CFAP44: variants seen among roughly 807,000 people sequenced by gnomAD.
The protein encoded by CFAP44 is cilia and flagella associated protein 44, also known as cilia- and flagella-associated protein 44.
A neutral mutation model predicts 216.2 loss-of-function variants in CFAP44; 134 were observed. The observed-to-expected ratio is 0.62, with a 90% CI of 0.54 to 0.72. The LOEUF is 0.72. Ranked by LOEUF, CFAP44 falls within the 30% of genes least tolerant of loss-of-function variation. CFAP44 has a pLI of 0.00. For missense variants in CFAP44, 2,035 were observed against 2,182.1 expected (o/e 0.93, Z 1.34); for synonymous variants, 700 against 727.6 (o/e 0.96, Z 0.61).
chr3:113,407,467 T>C (rs1035929602), intron 7 of CFAP44, among the ~76,000 whole-genome samples: 2 of 152,230 alleles, frequency 1.3e-5, no homozygotes, highest in African/African-American at 2.4e-5. Flanking sequence ...ATTCCCAGTC[T>C]GTCAGAAAGT....
At chr3:113,320,892 T>C (rs1439341607) in intron 28 of CFAP44, among the ~76,000 whole-genome samples, 1 of 152,152 alleles carries the variant, frequency 6.6e-6, no homozygotes, top group Admixed American at 6.5e-5. Context: ...CCCAGCCCAC[T>C]GACTCAAAAG....
intron 22 of CFAP44, among the ~76,000 whole-genome samples, chr3:113,358,512 T>G (rs867290787): frequency 3.5e-4 from 54 of 152,296 alleles, no homozygotes; most frequent in African/African-American, 1.3e-3. Context: ...ATATGTATTA[T>G]ATAATTTTTA....
At chr3:113,355,623 A>C (rs1447338563) in intron 22 of CFAP44, among the ~76,000 whole-genome samples, 3 of 152,204 alleles carry the variant, frequency 2.0e-5, no homozygotes, top group African/African-American at 7.2e-5. Context: ...AAGGACAGAA[A>C]ACCAAACACC....
chr3:113,409,355 G>A, intron 6 of CFAP44, 33 bp from the exon 7 acceptor site: 2 of 1,562,942 alleles, frequency 1.3e-6, no homozygotes, highest in South Asian at 2.2e-5. Context: ...AATAAATAAG[G>A]ACACATTTAT....
At chr3:113,375,916 GA>G (rs768107892) in intron 17 of CFAP44, among the ~76,000 whole-genome samples, 2 of 151,298 alleles carry the variant, frequency 1.3e-5, no homozygotes, top group African/African-American at 4.9e-5. Context: ...GAAAACTGTG[GA>G]AAAAATTACC....
chr3:113,362,066 T>A (rs1950546592), intron 21 of CFAP44, among the ~76,000 whole-genome samples: 1 of 151,700 alleles, frequency 6.6e-6, no homozygotes, highest in Non-Finnish European at 1.5e-5. Context: ...TCACTAGGCA[T>A]AGCTTCACAG....
rs563280171 is a variant in CFAP44, at chr3:113,323,613, G to A, written c.4516+2832C>T. ...AGCTGAATTTTTTTTTAGAAAAAAA[G>A]AATGCAACAGGTGATATTACTACAG... On this transcript the variant is annotated intron_variant, in intron 28 of 34. Coordinates refer to ENST00000393845, the MANE Select transcript of CFAP44 (RefSeq NM_001164496.2). Among the ~76,000 whole-genome samples the A allele has an allele frequency of 1.1e-4, 16 of 152,160 alleles. 1 individual carries two copies. The South Asian group carries it at 3.1e-3, about 30-fold the overall frequency.
intron 15 of CFAP44, among the ~76,000 whole-genome samples, chr3:113,382,441 T>C (rs1011464508): frequency 2.6e-5 from 4 of 152,044 alleles, no homozygotes; most frequent in Admixed American, 6.6e-5. Context: ...GAGTGATAGA[T>C]AAGGAAATGG....
chr3:113,302,023 G>A (rs368405158), intron 32 of CFAP44, among the ~76,000 whole-genome samples: 2 of 151,968 alleles, frequency 1.3e-5, no homozygotes, highest in Admixed American at 6.6e-5. Flanking sequence ...GATGTCATGT[G>A]GTATTTTCTT....
intron 33 of CFAP44, among the ~76,000 whole-genome samples, chr3:113,296,050 C>T (rs1949876785): frequency 6.6e-6 from 1 of 152,186 alleles, no homozygotes; most frequent in Non-Finnish European, 1.5e-5. Context: ...CCCTCACCCC[C>T]ACCATCCTCC....
chr3:113,366,580 A>C (rs1332095226), intron 18 of CFAP44, among the ~76,000 whole-genome samples: 1 of 152,128 alleles, frequency 6.6e-6, no homozygotes, highest in African/African-American at 2.4e-5. Context: ...AGAAGATATC[A>C]AAGGGGGTCA....
Position 113,416,623 on chromosome 3 carries a change from T to A in CFAP44, c.575A>T (p.His192Leu). Residue 192 changes from histidine to leucine, a missense_variant, in exon 6 of 35, where the codon CAT becomes CTT. By Grantham distance (99) the His-to-Leu change is moderately conservative. Around this residue, in one of 3 missense-constraint regions of CFAP44, gnomAD observed 1,883 missense variants for 2,023.7 expected, o/e 0.93. Transcript: ENST00000393845. ...SGEGIGVIGV[H>L]PHKTYFTVAE... ...TACTGTGAAATAAGTTTTATGTGGATGAACCTACAAAAGATAAAATTTCAC... is the reference window on the plus strand; with the variant it reads ...TACTGTGAAATAAGTTTTATGTGGAAGAACCTACAAAAGATAAAATTTCAC... 6.2e-7 allele frequency: 1 copy of A among 1,601,062 alleles called. No homozygotes were observed. The highest frequency in any genetic ancestry group is 1.3e-5 in the African/African-American group (1 of 74,252).
intron 9 of CFAP44, among the ~76,000 whole-genome samples, chr3:113,402,824 T>C (rs1934179227): frequency 6.6e-6 from 1 of 152,144 alleles, no homozygotes; most frequent in African/African-American, 2.4e-5. Context: ...TCTCCTGAGG[T>C]TTTCTCCCAC....
In CFAP44 at chr3:113,302,457, T is replaced by TAAAAAAA. The variant is rs60866565; in HGVS notation, c.5077+1452_5077+1458dup. Among the ~76,000 whole-genome samples the TAAAAAAA allele has an allele frequency of 3.1e-3, 233 of 75,758 alleles. 10 individuals carry two copies. Among genetic ancestry groups the TAAAAAAA allele is most frequent in the African/African-American group, 9.6e-3 (223 of 23,196 alleles). 49.7% of individuals were successfully genotyped at this position (75,758 alleles called of 152,430 possible). A position where few individuals can be genotyped will look rare whatever the true frequency, so the allele number is the denominator to read the frequency against. On this transcript the variant is annotated intron_variant, in intron 32 of 34. Coordinates refer to ENST00000393845, the MANE Select transcript of CFAP44 (RefSeq NM_001164496.2). ...GTATCCAAAGATACACTAGACAAAG[T>TAAAAAAA]AAAAAAAAAAAAAAAAAAAAAAAGA...
At chr3:113,298,641 A>G (rs1949904618) in intron 32 of CFAP44, among the ~76,000 whole-genome samples, 1 of 152,258 alleles carries the variant, frequency 6.6e-6, no homozygotes, top group South Asian at 2.1e-4. Context: ...CATATAATGG[A>G]ATATTATTTG....
intron 11 of CFAP44, 29 bp from the exon 12 acceptor site, chr3:113,400,673 C>G (rs368946246): frequency 6.4e-7 from 1 of 1,572,892 alleles, no homozygotes; most frequent in Non-Finnish European, 8.7e-7. Flanking sequence ...CTTACTAGAT[C>G]TCAAAGACAG....
chr3:113,407,962 G>A (rs1281260408), intron 7 of CFAP44, among the ~76,000 whole-genome samples: 1 of 152,048 alleles, frequency 6.6e-6, no homozygotes, highest in African/African-American at 2.4e-5. Flanking sequence ...ATGGGGCATA[G>A]AAAATACAGA....
intron 2 of CFAP44, among the ~76,000 whole-genome samples, chr3:113,430,926 C>G (rs1377035513): frequency 4.6e-5 from 7 of 152,150 alleles, no homozygotes; most frequent in African/African-American, 1.2e-4. Context: ...CCTTCACCAT[C>G]GTGAGAAATG....
chr3:113,305,130 A>G lies in CFAP44; in HGVS notation c.4781T>C (p.Leu1594Pro). The G allele has an allele frequency of 2.0e-6, 3 of 1,537,202 alleles. No individual in the cohort carries two copies. Among genetic ancestry groups the G allele is most frequent in the Non-Finnish European group, 2.6e-6 (3 of 1,146,896 alleles). Residue 1594 changes from leucine (L) to proline (P), a missense_variant, in exon 31 of 35, where the codon CTG (leucine) becomes CCG (proline). Physicochemically the swap from Leu to Pro is moderately conservative, Grantham distance 98. This residue lies in a region of CFAP44 where 1,883 missense variants were observed against 2,023.7 expected (regional missense o/e 0.93). Coordinates refer to ENST00000393845, the MANE Select transcript of CFAP44 (RefSeq NM_001164496.2). ...SKKVKIVATN[L>P]NAAEEALEAY... ...CTCCAGGGCCTCCTCTGCTGCATTC[A>G]GATTAGTTGCCACAATTTTCACCTG...
Sources: gnomAD v4.1 joint callset for allele counts (sites outside exome capture counted in the v4.1 genomes callset) on GRCh38, gnomAD v4.1.1 for gene constraint, gnomAD v4.1.1 regional missense constraint, MANE v1.5 for transcripts, NCBI Gene and HGNC (gene_info 2026-07-23, HGNC 2026-07-21) for gene names.